STXBP5L: variants seen among roughly 807,000 people sequenced by gnomAD.
STXBP5L encodes the protein syntaxin-binding protein 5-like.
In STXBP5L, 65 loss-of-function variants were observed where a neutral mutation model predicts 144.5. That is an observed-to-expected ratio of 0.45 (90% confidence interval 0.37 to 0.55). The LOEUF is 0.55. Among genes scored for constraint, STXBP5L ranks in the 20% least tolerant of loss-of-function variants. STXBP5L has a pLI of 0.00. For missense variants in STXBP5L, 1,298 were observed against 1,405.5 expected, an observed-to-expected ratio of 0.92 and a Z score of 1.22; for synonymous variants, 505 against 469.6, an observed-to-expected ratio of 1.08 and a Z score of -0.97.
At chr3:120,983,666 T>C (rs1942018073) in intron 3 of STXBP5L, among the ~76,000 whole-genome samples, 3 of 152,122 alleles carry the variant, frequency 2.0e-5, no homozygotes, top group African/African-American at 7.2e-5. Context: ...ACAGATAGAA[T>C]TGAAAAAATC....
intron 9 of STXBP5L, among the ~76,000 whole-genome samples, chr3:121,185,829 T>C (rs1378477500): frequency 6.6e-6 from 1 of 152,208 alleles, no homozygotes; most frequent in African/African-American, 2.4e-5. Context: ...TCCAATTCTG[T>C]GAAGAAAGTC....
At position 121,055,770 on chromosome 3, in the gene STXBP5L, G is replaced by T. The variant is rs1040956842; in HGVS notation, c.470+10235G>T. 2.0e-5 allele frequency among the ~76,000 whole-genome samples: 3 copies of T among 151,948 alleles called. No individual in the cohort carries two copies. In the East Asian group the frequency reaches 5.8e-4, roughly 29 times the overall value. ...AGCTGGAGTACAGTAGCATCAGCTT[G>T]GCTCACACAACCTTGAATTCCTGGG... On this transcript the variant is annotated intron_variant, in intron 5 of 26. Coordinates refer to ENST00000471454, the MANE Select transcript of STXBP5L (RefSeq NM_001308330.2).
rs17740066 is a variant in STXBP5L at position 121,381,436 on chromosome 3, G to T, written c.2491G>T (p.Val831Phe). The change falls in exon 22 of 27, where the codon GTT becomes TTT. Residue 831 changes from valine to phenylalanine, a missense_variant. Val to Phe is a conservative substitution (Grantham distance 50). Coordinates refer to ENST00000471454, the MANE Select transcript of STXBP5L (RefSeq NM_001308330.2). ...NDSTISPCLFVGTSLGMVLII... is the reference protein window; with the variant it reads ...NDSTISPCLFFGTSLGMVLII... ...CTCTACCATCTCTCCTTGTCTGTTCGTTGGAACCAGTCTGGGAATGGTGTT... is the reference window on the plus strand; with the variant it reads ...CTCTACCATCTCTCCTTGTCTGTTCTTTGGAACCAGTCTGGGAATGGTGTT... 2 of 1,605,332 alleles carry T rather than the reference G, an allele frequency of 1.2e-6. No homozygotes were observed. The highest frequency in any genetic ancestry group is 1.7e-6 in the Non-Finnish European group (2 of 1,177,594).
chr3:121,081,648 T>C (rs2042254161), intron 5 of STXBP5L, among the ~76,000 whole-genome samples: 1 of 152,228 alleles, frequency 6.6e-6, no homozygotes, highest in South Asian at 2.1e-4. Context: ...TTCCCTAGTA[T>C]TTTATTTACT....
intron 20 of STXBP5L, among the ~76,000 whole-genome samples, chr3:121,330,344 C>T (rs1037673505): frequency 1.3e-5 from 2 of 152,238 alleles, no homozygotes; most frequent in Admixed American, 6.5e-5. Flanking sequence ...GGCAGCTACA[C>T]TTCTCCTTGG....
Position 121,340,648 on chromosome 3 carries a change from A to G in STXBP5L, c.2176+22108A>G, listed in dbSNP as rs781462363. On this transcript the variant is annotated intron_variant, in intron 20 of 26. Coordinates refer to ENST00000471454, the MANE Select transcript of STXBP5L (RefSeq NM_001308330.2). ...TTTTCAACTTCATCCATGTTCCTGC[A>G]AAGGACATGAACTCATCCTTTTTAT... 9.3e-4 allele frequency among the ~76,000 whole-genome samples: 141 copies of G among 152,100 alleles called. 1 individual carries two copies. The highest frequency in any genetic ancestry group is 1.8e-3 in the Non-Finnish European group (120 of 68,020).
At chr3:120,974,227 T>C (rs571433810) in intron 3 of STXBP5L, among the ~76,000 whole-genome samples, 117 of 152,230 alleles carry the variant, frequency 7.7e-4, no homozygotes, top group Middle Eastern at 3.4e-3. Flanking sequence ...TTTTAATGAT[T>C]GCCATTCTAA....
chr3:121,145,771 C>G (rs1189019500), intron 7 of STXBP5L, among the ~76,000 whole-genome samples: 1 of 151,864 alleles, frequency 6.6e-6, no homozygotes, highest in Non-Finnish European at 1.5e-5. Context: ...TTTTACACAC[C>G]AAACTGACTG....
chr3:121,195,055 A>G (rs865798962), intron 9 of STXBP5L, among the ~76,000 whole-genome samples: 8 of 151,704 alleles, frequency 5.3e-5, no homozygotes, highest in Middle Eastern at 3.4e-3. Context: ...AGCTGAGACT[A>G]CAGGCACACG....
At chr3:121,051,774 C>T (rs1250844722) in intron 5 of STXBP5L, among the ~76,000 whole-genome samples, 1 of 152,020 alleles carries the variant, frequency 6.6e-6, no homozygotes, top group Non-Finnish European at 1.5e-5. Context: ...CAAAAAAACC[C>T]TTCAAAAAAT....
intron 10 of STXBP5L, among the ~76,000 whole-genome samples, chr3:121,214,489 T>A (rs1577229621): frequency 6.6e-6 from 1 of 152,198 alleles, no homozygotes; most frequent in African/African-American, 2.4e-5. Flanking sequence ...CAGGAGAAGG[T>A]TGATCAGTTT....
At chr3:121,173,650 C>G (rs1019496035) in intron 9 of STXBP5L, among the ~76,000 whole-genome samples, 1 of 151,664 alleles carries the variant, frequency 6.6e-6, no homozygotes, top group Admixed American at 6.6e-5. Flanking sequence ...TATACTGTAC[C>G]CTTAGAGAAA....
chr3:121,287,557 G>A lies in STXBP5L; in HGVS notation c.2110+7601G>A, dbSNP rs76046985. ...AGACCCACACATTGATGGGCCGGGC[G>A]CGGTGGCTCATGCCTGTAATCCCAG... is the stretch of plus-strand genomic sequence containing the variant. On this transcript the variant is annotated intron_variant, in intron 19 of 26. Transcript: ENST00000471454. 1.3e-3 allele frequency among the ~76,000 whole-genome samples: 199 copies of A among 151,788 alleles called. 1 individual carries two copies. In the East Asian group the frequency reaches 0.029, roughly 22 times the overall value.
intron 22 of STXBP5L, among the ~76,000 whole-genome samples, chr3:121,390,393 G>A (rs938260413): frequency 1.3e-5 from 2 of 152,060 alleles, no homozygotes; most frequent in Non-Finnish European, 2.9e-5. Flanking sequence ...TTACATTTAA[G>A]GTTAATATTG....
chr3:121,144,289 G>T (rs1399391057), intron 7 of STXBP5L, among the ~76,000 whole-genome samples: 1 of 151,774 alleles, frequency 6.6e-6, no homozygotes, highest in Non-Finnish European at 1.5e-5. Context: ...AACTTAAGGT[G>T]TTATCAGCTT....
chr3:121,181,993 T>C (rs1318719725), intron 9 of STXBP5L, among the ~76,000 whole-genome samples: 1 of 151,292 alleles, frequency 6.6e-6, no homozygotes, highest in African/African-American at 2.4e-5. Flanking sequence ...AATATATATG[T>C]ACCTAACACT....
chr3:121,048,977 C>A (rs1947731655), intron 5 of STXBP5L, among the ~76,000 whole-genome samples: 1 of 152,154 alleles, frequency 6.6e-6, no homozygotes, highest in South Asian at 2.1e-4. Context: ...ATCCCAAGGG[C>A]AACAGGAGCA....
intron 3 of STXBP5L, among the ~76,000 whole-genome samples, chr3:121,004,932 G>T (rs1944143267): frequency 6.6e-6 from 1 of 152,168 alleles, no homozygotes; most frequent in Non-Finnish European, 1.5e-5. Flanking sequence ...GCTTTTTGAT[G>T]TGCTCCTGTA....
intron 7 of STXBP5L, among the ~76,000 whole-genome samples, chr3:121,149,941 A>G (rs952234726): frequency 6.6e-6 from 1 of 152,082 alleles, no homozygotes; most frequent in Non-Finnish European, 1.5e-5. Flanking sequence ...CTCTACGTAC[A>G]TATTTACAAA....
Sources: allele counts gnomAD v4.1 joint callset (sites outside exome capture counted in the v4.1 genomes callset), GRCh38; gene constraint gnomAD v4.1.1; transcripts MANE v1.5; gene names NCBI Gene and HGNC (gene_info 2026-07-23, HGNC 2026-07-21).